RPLP0: variants seen among roughly 807,000 people sequenced by gnomAD.
RPLP0 encodes the protein ribosomal protein lateral stalk subunit P0, also known as large ribosomal subunit protein uL10.
For synonymous variants in RPLP0, 137 were observed against 153.4 expected, an observed-to-expected ratio of 0.89 and a Z score of 0.79; for missense variants, 276 against 402.9, an observed-to-expected ratio of 0.69 and a Z score of 2.70.
intron 2 of RPLP0, 60 bp downstream of exon 2, chr12:120,200,670 G>A (rs1429514504): frequency 1.9e-6 from 3 of 1,569,364 alleles, no homozygotes; most frequent in Non-Finnish European, 1.7e-6. Flanking sequence ...CATAGCAGCT[G>A]ACTGTCCCTA....
At chr12:120,200,928 C>T in intron 1 of RPLP0, 97 bp from the exon 2 acceptor site, 1 of 1,399,312 alleles carries the variant, frequency 7.1e-7, no homozygotes, top group Non-Finnish European at 9.4e-7. Flanking sequence ...GCCCGCCGGC[C>T]CTGCCTAGGG....
In RPLP0 at chr12:120,197,393, T is replaced by C. The variant is rs1418407706; in HGVS notation, c.721A>G (p.Ile241Val). ...AGGACTCGTTTGTACCCGTTGATGA[T>C]AGAATGGGGTACTGATGCAACAGTT... ...YPTVASVPHS[I>V]INGYKRVLAL... Residue 241 changes from isoleucine to valine, a missense_variant, in exon 7 of 8, where the codon ATC (isoleucine) becomes GTC (valine). By Grantham distance (29) the Ile-to-Val change is conservative. Coordinates refer to ENST00000392514, the MANE Select transcript of RPLP0 (RefSeq NM_001002.4). 9.9e-6 allele frequency: 16 copies of C among 1,613,602 alleles called. No individual in the cohort carries two copies. Among genetic ancestry groups the C allele is most frequent in the African/African-American group, 2.7e-5 (2 of 74,884 alleles).
chr12:120,197,587 G>A (rs1181785823), intron 6 of RPLP0, 125 bp from the exon 7 acceptor site: 4 of 1,137,724 alleles, frequency 3.5e-6, no homozygotes, highest in African/African-American at 3.1e-5. Flanking sequence ...CTCAAGAGAG[G>A]CCATTTCATC....
chr12:120,200,932 C>T (rs1879432707), intron 1 of RPLP0, 101 bp from the exon 2 acceptor site: 5 of 1,377,740 alleles, frequency 3.6e-6, no homozygotes, highest in Admixed American at 2.8e-5. Context: ...GCCGGCCCTG[C>T]CTAGGGCAGC....
In RPLP0 at chr12:120,198,564, C is replaced by G; in HGVS notation, c.641G>C (p.Arg214Pro). 6.2e-7 allele frequency: 1 copy of G among 1,614,060 alleles called. No individual in the cohort carries two copies. The highest frequency in any genetic ancestry group is 8.5e-7 in the Non-Finnish European group (1 of 1,180,022). Residue 214 changes from arginine to proline, a missense_variant, in exon 6 of 8, where the codon CGC becomes CCC. Arg to Pro is a moderately radical substitution (Grantham distance 103). Coordinates refer to ENST00000392514, the MANE Select transcript of RPLP0 (RefSeq NM_001002.4). The surrounding 1 kb of genome is among the most constrained non-coding windows in gnomAD (Gnocchi z 4.1). ...GCTGACAGCATATACCTCCAGGAAG[C>G]GAGAATGCAGAGTTTCCTCTGTGAT... ...LDITEETLHSRFLEGVRNVAS... is the reference protein window; with the variant it reads ...LDITEETLHSPFLEGVRNVAS...
At chr12:120,199,614 G>A in intron 2 of RPLP0, 129 bp from the exon 3 acceptor site, 1 of 937,078 alleles carries the variant, frequency 1.1e-6, no homozygotes, top group Non-Finnish European at 1.6e-6. Flanking sequence ...GTCAGAGGGA[G>A]ATTGGGAGCT....
Position 120,199,154 on chromosome 12 carries a change from G to A in RPLP0, c.282C>T (p.Asp94=). 3 of 1,613,956 alleles carry A rather than the reference G, an allele frequency of 1.9e-6. No individual in the cohort carries two copies. The highest frequency in any genetic ancestry group is 1.7e-5 in the Admixed American group (1 of 60,016). Residue 94 remains aspartate, a synonymous_variant, in exon 4 of 8, where the codon GAC becomes GAT. Coordinates refer to ENST00000392514, the MANE Select transcript of RPLP0 (RefSeq NM_001002.4). The part of the protein sequence containing the change: ...GNVGFVFTKE[D]LTEIRDMLLA... ...GCAACATGTCCCTGATCTCAGTGAG[G>A]TCCTCCTTGGTGAACACAAAGCCCA... is the stretch of plus-strand genomic sequence containing the variant.
chr12:120,200,039 GACCC>G, intron 2 of RPLP0: 3 of 456,084 alleles, frequency 6.6e-6, no homozygotes, highest in South Asian at 4.6e-5. Flanking sequence ...GGGCAAGGGA[GACCC>G]ACCTCAAAGG....
At chr12:120,199,534 A>T (rs1379626935) in intron 2 of RPLP0, 49 bp from the exon 3 acceptor site, 1 of 1,563,338 alleles carries the variant, frequency 6.4e-7, no homozygotes, top group African/African-American at 1.4e-5. Context: ...AGAGAGAGGG[A>T]AAAAATGCCA....
chr12:120,198,384 T>C lies in RPLP0; in HGVS notation c.651+170A>G, dbSNP rs1470707949. On this transcript the variant is annotated intron_variant, in intron 6 of 7. Transcript: ENST00000392514. This position sits in a 1 kb window ranked among gnomAD's most constrained non-coding sequence, Gnocchi z 4.1. ...CTGGGCGACACAGCAAGACTCTGTC[T>C]CCAAAAAAAAAAAAAAAAAATCCTT... is the stretch of plus-strand genomic sequence containing the variant. 3.5e-5 allele frequency: 23 copies of C among 649,738 alleles called. No individual in the cohort carries two copies. The East Asian group carries it at 6.8e-4, about 19-fold the overall frequency. The allele number at this position is 649,738 out of a possible 1,614,324, so 40.2% of individuals were successfully genotyped here. A position where few individuals can be genotyped will look rare whatever the true frequency, so the allele number is the denominator to read the frequency against.
chr12:120,197,774 C>CA (rs1419690832), intron 6 of RPLP0: 3 of 297,820 alleles, frequency 1.0e-5, no homozygotes, highest in Non-Finnish European at 1.9e-5. Flanking sequence ...GAAAAATGTT[C>CA]AACGATTTCC....
chr12:120,198,334 GGA>G lies in RPLP0; in HGVS notation c.651+218_651+219del. On this transcript the variant is annotated intron_variant, in intron 6 of 7. Transcript: ENST00000392514. This position sits in a 1 kb window ranked among gnomAD's most constrained non-coding sequence, Gnocchi z 4.1. ...CGGAGGCGGAGCTTGCAGTGAGCCGGGAGATTGTGCCACTGCACTCCAGCCTG... is the reference window on the plus strand; with the variant it reads ...CGGAGGCGGAGCTTGCAGTGAGCCGGGATTGTGCCACTGCACTCCAGCCTG... 1 of 529,322 alleles carries G rather than the reference GGA, an allele frequency of 1.9e-6. No individual in the cohort carries two copies. Among genetic ancestry groups the G allele is most frequent in the East Asian group, 3.4e-5 (1 of 29,682 alleles). The allele number at this position is 529,322 out of a possible 1,614,324, so 32.8% of individuals were successfully genotyped here.
At position 120,198,513 on chromosome 12, in the gene RPLP0, C is replaced by G. The variant is rs748520279; in HGVS notation, c.651+41G>C. The G allele has an allele frequency of 1.2e-6, 2 of 1,610,996 alleles. No individual in the cohort carries two copies. The highest frequency in any genetic ancestry group is 2.2e-5 in the South Asian group (2 of 90,902). On this transcript the variant is annotated intron_variant, in intron 6 of 7. Transcript: ENST00000392514. This position sits in a 1 kb window ranked among gnomAD's most constrained non-coding sequence, Gnocchi z 4.1. ...CTCAGTCTGAACCTTGTCATGCTCT[C>G]AACCATCAGTGTAAGAGGGGGCAAG...
Position 120,198,340 on chromosome 12 carries a change from T to A in RPLP0, c.651+214A>T, listed in dbSNP as rs1335185532. Reference sequence around the variant, plus strand: ...CGGAGCTTGCAGTGAGCCGGGAGATTGTGCCACTGCACTCCAGCCTGGGCG... The same window carrying A: ...CGGAGCTTGCAGTGAGCCGGGAGATAGTGCCACTGCACTCCAGCCTGGGCG... On this transcript the variant is annotated intron_variant, in intron 6 of 7. Transcript: ENST00000392514. The surrounding 1 kb of genome is among the most constrained non-coding windows in gnomAD (Gnocchi z 4.1). 1.9e-6 allele frequency: 1 copy of A among 539,724 alleles called. No individual in the cohort carries two copies. Among genetic ancestry groups the A allele is most frequent in the African/African-American group, 2.0e-5 (1 of 51,186 alleles). 33.4% of individuals were successfully genotyped at this position (539,724 alleles called of 1,614,324 possible). A position where few individuals can be genotyped will look rare whatever the true frequency, so the allele number is the denominator to read the frequency against.
intron 2 of RPLP0, 129 bp downstream of exon 2, chr12:120,200,601 A>G (rs1566328938): frequency 3.0e-6 from 3 of 1,008,446 alleles, no homozygotes; most frequent in Non-Finnish European, 4.3e-6. Flanking sequence ...ATTGTTAACT[A>G]AACAGTATTT....
rs149316368 is a variant in RPLP0 at position 120,197,735 on chromosome 12, G to T, written c.652-273C>A. 252 of 415,896 alleles carry T rather than the reference G, an allele frequency of 6.1e-4. 3 individuals are homozygous for T. The East Asian group carries it at 8.4e-3, about 14-fold the overall frequency. 25.8% of individuals were successfully genotyped at this position (415,896 alleles called of 1,614,324 possible). Reference sequence around the variant, plus strand: ...TACCACAACAGTGAAAAGCATAAACGACTAACGTAGCCATTGAGTTCCATG... The same window carrying T: ...TACCACAACAGTGAAAAGCATAAACTACTAACGTAGCCATTGAGTTCCATG... On this transcript the variant is annotated intron_variant, in intron 6 of 7. Coordinates refer to ENST00000392514, the MANE Select transcript of RPLP0 (RefSeq NM_001002.4).
Position 120,200,810 on chromosome 12 carries a change from G to A in RPLP0, c.-27C>T, listed in dbSNP as rs764853143. 3 of 1,607,180 alleles carry A rather than the reference G, an allele frequency of 1.9e-6. No individual in the cohort carries two copies. In the Admixed American group the frequency reaches 5.0e-5, roughly 27 times the overall value. On this transcript the variant is annotated 5_prime_UTR_variant, in exon 2 of 8. Coordinates refer to ENST00000392514, the MANE Select transcript of RPLP0 (RefSeq NM_001002.4). ...ACGGCGGTGCGTCAGGGATTGCCAC[G>A]CAGGGTTTAAAGACGATGTCACTGA...
chr12:120,196,870 G>A lies in RPLP0; in HGVS notation c.857C>T (p.Thr286Ile), dbSNP rs768108150. The A allele has an allele frequency of 6.8e-6, 11 of 1,612,166 alleles. No homozygotes were observed. In the South Asian group the frequency reaches 9.9e-5, roughly 15 times the overall value. The change falls in exon 8 of 8, where the codon ACA becomes ATA. Residue 286 changes from threonine (T) to isoleucine (I), a missense_variant. Coordinates refer to ENST00000392514, the MANE Select transcript of RPLP0 (RefSeq NM_001002.4). Reference protein sequence around the residue: ...VAAAPVAAATTAAPAAAAAPA... With the variant: ...VAAAPVAAATIAAPAAAAAPA... ...GGCTGCAGCAGCAGCAGGAGCAGCTGTGGTGGCAGCAGCCACAGGGGCAGC... is the reference window on the plus strand; with the variant it reads ...GGCTGCAGCAGCAGCAGGAGCAGCTATGGTGGCAGCAGCCACAGGGGCAGC...
In RPLP0 at chr12:120,197,173, C is replaced by T. The variant is rs1461177433; in HGVS notation, c.792+149G>A. ...CTTGTCATTTCTCAAGTGAGAAACG[C>T]CTTCCCTGCCTCCCAACCTCTCAAA... On this transcript the variant is annotated intron_variant, in intron 7 of 7. Coordinates refer to ENST00000392514, the MANE Select transcript of RPLP0 (RefSeq NM_001002.4). 3.0e-6 allele frequency: 3 copies of T among 994,280 alleles called. No homozygotes were observed. In the Admixed American group the frequency reaches 6.7e-5, roughly 22 times the overall value. 61.6% of individuals were successfully genotyped at this position (994,280 alleles called of 1,614,324 possible). A position where few individuals can be genotyped will look rare whatever the true frequency, so the allele number is the denominator to read the frequency against.
Sources: allele counts gnomAD v4.1 joint callset, GRCh38; gene constraint gnomAD v4.1.1; non-coding constraint Gnocchi (gnomAD v3.1); transcripts MANE v1.5; gene names NCBI Gene and HGNC (gene_info 2026-07-23, HGNC 2026-07-21).